The following EVL variants were observed in gnomAD, a reference collection of about 807,000 sequenced individuals.
EVL encodes Enah/Vasp-like, also known as ena/VASP-like protein.
Under a neutral mutation model 59.6 loss-of-function variants are expected in EVL, and 21 were observed. The ratio of observed to expected loss-of-function variants is 0.35; its 90% CI spans 0.25 to 0.51. EVL has a LOEUF of 0.51. Ranked by LOEUF, EVL falls within the 20% of genes least tolerant of loss-of-function variation. The pLI is 0.97. For missense variants in EVL, 462 were observed against 546.6 expected, an observed-to-expected ratio of 0.85 and a Z score of 1.54; for synonymous variants, 198 against 203.5, an observed-to-expected ratio of 0.97 and a Z score of 0.23.
intron 2 of EVL, among the ~76,000 whole-genome samples, chr14:100,090,615 G>A (rs2062544804): frequency 6.6e-6 from 1 of 152,150 alleles, no homozygotes; most frequent in Non-Finnish European, 1.5e-5. Flanking sequence ...TGAAAAATAA[G>A]ATTTATTCCA....
chr14:100,057,216 G>T (rs1266790300), intron 1 of EVL, among the ~76,000 whole-genome samples: 6 of 152,104 alleles, frequency 3.9e-5, no homozygotes, highest in Admixed American at 2.0e-4. Flanking sequence ...TCCAGTGGTG[G>T]GATTTTTACC....
At chr14:100,062,216 A>ATG (rs202238984), upstream of EVL, among the ~76,000 whole-genome samples, 2,708 of 23,444 alleles carry the variant, frequency 0.12, 35 homozygotes, top group Non-Finnish European at 0.16. Flanking sequence ...GTATATATAT[A>ATG]TATATGTATA....
intron 1 of EVL, among the ~76,000 whole-genome samples, chr14:99,973,814 A>T (rs1380467305): frequency 1.3e-5 from 2 of 152,252 alleles, no homozygotes; most frequent in African/African-American, 4.8e-5. Context: ...ACATTAAGAT[A>T]TATGGTTCAC....
chr14:99,983,052 C>A (rs2060818112), intron 1 of EVL, among the ~76,000 whole-genome samples: 2 of 152,294 alleles, frequency 1.3e-5, no homozygotes, highest in African/African-American at 4.8e-5. Flanking sequence ...CCACCCCACC[C>A]CAGCCTCACC....
intron 3 of EVL, chr14:100,102,499 C>T (rs1886285085): frequency 5.1e-6 from 2 of 391,554 alleles, no homozygotes; most frequent in South Asian, 3.8e-5. Flanking sequence ...TTGGACCTTT[C>T]CTTCTGCTGG....
intron 1 of EVL, among the ~76,000 whole-genome samples, chr14:99,986,639 C>T (rs1371425695): frequency 2.6e-5 from 4 of 152,188 alleles, no homozygotes; most frequent in Admixed American, 2.6e-4. Context: ...ATTGAGTTCA[C>T]TGTGCAGATT....
In EVL at chr14:100,084,777, A is replaced by G. The variant is rs1567007637; in HGVS notation, c.102A>G (p.Gly34=). 1 of 1,614,168 alleles carries G rather than the reference A, an allele frequency of 6.2e-7. No homozygotes were observed. ...TACCAATCAAACCTGGCCAGCAGGG[A>G]TTCAGCCGGATCAACATCTACCACA... ...KWVPIKPGQQ[G]FSRINIYHNT... The change falls in exon 2 of 14, where the codon GGA becomes GGG. Residue 34 remains glycine (G), a synonymous_variant. Transcript: ENST00000392920.
intron 1 of EVL, among the ~76,000 whole-genome samples, chr14:100,034,708 A>T (rs1201725792): frequency 3.9e-5 from 6 of 152,178 alleles, no homozygotes; most frequent in Non-Finnish European, 8.8e-5. Flanking sequence ...ATTGCATTCC[A>T]GCCTGGGTGA....
At chr14:100,003,147 C>T (rs2060956240) in intron 1 of EVL, among the ~76,000 whole-genome samples, 1 of 152,126 alleles carries the variant, frequency 6.6e-6, no homozygotes, top group South Asian at 2.1e-4. Context: ...CTCACGCACC[C>T]CCCTCTTCCA....
At position 100,109,121 on chromosome 14, in the gene EVL, G is replaced by A. The variant is rs1010939518; in HGVS notation, c.358+11463G>A. Among the ~76,000 whole-genome samples the A allele has an allele frequency of 1.3e-5, 2 of 152,164 alleles. No homozygotes were observed. Among genetic ancestry groups the A allele is most frequent in the Non-Finnish European group, 2.9e-5 (2 of 68,028 alleles). On this transcript the variant is annotated intron_variant, in intron 3 of 13. Transcript: ENST00000392920. The surrounding 1 kb of genome is among the most constrained non-coding windows in gnomAD (Gnocchi z 4.3). ...GAGCCCCTGGTCCCTCTGACTCACT[G>A]GCTCCCATTTTCACCACCTGCACTG...
intron 1 of EVL, among the ~76,000 whole-genome samples, chr14:99,988,543 G>A (rs1414023118): frequency 6.6e-6 from 1 of 152,142 alleles, no homozygotes; most frequent in African/African-American, 2.4e-5. Flanking sequence ...CAGAATGTTA[G>A]ACATAGAGTT....
At chr14:100,060,425 C>T (rs1319349863), upstream of EVL, among the ~76,000 whole-genome samples, 3 of 133,518 alleles carry the variant, frequency 2.2e-5, no homozygotes, top group Non-Finnish European at 4.7e-5. Flanking sequence ...AGCGAGACTC[C>T]GTCTCAAAAA....
At chr14:100,006,012 C>CG (rs894274442) in intron 1 of EVL, among the ~76,000 whole-genome samples, 5 of 121,722 alleles carry the variant, frequency 4.1e-5, no homozygotes, top group African/African-American at 1.3e-4. Context: ...GGCCATTTCC[C>CG]CCCCCCCCCC....
chr14:99,993,541 G>T (rs2060889503), intron 1 of EVL, among the ~76,000 whole-genome samples: 1 of 152,056 alleles, frequency 6.6e-6, no homozygotes, highest in African/African-American at 2.4e-5. Context: ...CAATTCTTCG[G>T]AAGAGTTTGA....
intron 3 of EVL, among the ~76,000 whole-genome samples, chr14:100,111,885 T>G (rs1228754120): frequency 2.6e-5 from 4 of 152,248 alleles, no homozygotes; most frequent in Non-Finnish European, 5.9e-5. Context: ...AGTCCAGGTC[T>G]CTGCCCAGTG....
At chr14:99,980,166 A>G (rs573972826) in intron 1 of EVL, among the ~76,000 whole-genome samples, 1 of 152,318 alleles carries the variant, frequency 6.6e-6, no homozygotes, top group African/African-American at 2.4e-5. Flanking sequence ...ACTGAGTATG[A>G]CTGTATAACA....
chr14:100,104,272 ATCT>A (rs1166918412), intron 3 of EVL, among the ~76,000 whole-genome samples: 6 of 152,132 alleles, frequency 3.9e-5, no homozygotes, highest in African/African-American at 1.4e-4. Context: ...GGTGGTTTAA[ATCT>A]TCTTCCTCTC....
intron 1 of EVL, among the ~76,000 whole-genome samples, chr14:100,052,499 C>A (rs1464899248): frequency 6.6e-6 from 1 of 152,126 alleles, no homozygotes; most frequent in Non-Finnish European, 1.5e-5. Context: ...TGCCTGTAAT[C>A]CCAGTACTTT....
chr14:100,024,825 C>G (rs1175191260), intron 1 of EVL, among the ~76,000 whole-genome samples: 2 of 152,096 alleles, frequency 1.3e-5, no homozygotes, highest in African/African-American at 2.4e-5. Flanking sequence ...TTCTCCAGCT[C>G]TTTCCTGTCC....
Sources: gnomAD v4.1 joint callset for allele counts (sites outside exome capture counted in the v4.1 genomes callset) on GRCh38, gnomAD v4.1.1 for gene constraint, Gnocchi (gnomAD v3.1) non-coding constraint, MANE v1.5 for transcripts, NCBI Gene and HGNC (gene_info 2026-07-23, HGNC 2026-07-21) for gene names.